Variants in SNAP91 observed in about 807,000 individuals in gnomAD.
SNAP91 encodes the protein synaptosome associated protein 91.
Under a neutral mutation model 100.3 loss-of-function variants are expected in SNAP91, and 27 were observed. The observed-to-expected ratio is 0.27, with a 90% CI of 0.20 to 0.37. SNAP91 has a LOEUF of 0.37. SNAP91 is among the 10% of genes least tolerant of loss of function. SNAP91 has a pLI of 1.00. For missense variants in SNAP91, 986 were observed against 1,123.7 expected (o/e 0.88, Z 1.75); for synonymous variants, 404 against 398.6 (o/e 1.01, Z -0.16).
At chr6:83,660,738 A>G (rs2098525455) in intron 5 of SNAP91, among the ~76,000 whole-genome samples, 1 of 151,980 alleles carries the variant, frequency 6.6e-6, no homozygotes, top group African/African-American at 2.4e-5. Context: ...ATTCACCTCA[A>G]TTAAAAAAAA....
chr6:83,647,447 A>G (rs932457091), intron 7 of SNAP91, among the ~76,000 whole-genome samples: 2 of 152,148 alleles, frequency 1.3e-5, no homozygotes, highest in Non-Finnish European at 2.9e-5. Context: ...ATCTACTGAT[A>G]TGATTTTTCT....
At chr6:83,608,850 C>T (rs2095814769) in intron 12 of SNAP91, among the ~76,000 whole-genome samples, 1 of 152,118 alleles carries the variant, frequency 6.6e-6, no homozygotes, top group African/African-American at 2.4e-5. Flanking sequence ...GACACATGAG[C>T]AGTGTGGATG....
intron 2 of SNAP91, among the ~76,000 whole-genome samples, chr6:83,700,488 T>A (rs2099277979): frequency 6.6e-6 from 1 of 151,998 alleles, no homozygotes; most frequent in Admixed American, 6.6e-5. Context: ...GTATTTTACA[T>A]GCATTATCTT....
intron 24 of SNAP91, among the ~76,000 whole-genome samples, chr6:83,578,975 T>C (rs2128107888): frequency 6.6e-6 from 1 of 152,344 alleles, no homozygotes; most frequent in East Asian, 1.9e-4. Context: ...CCCCAATTTT[T>C]TTCTCCTGAA....
At position 83,591,246 on chromosome 6, in the gene SNAP91, G is replaced by A. The variant is rs766514515; in HGVS notation, c.1979C>T (p.Ala660Val). Residue 660 changes from alanine to valine, a missense_variant, in exon 22 of 30, where the codon GCT (alanine) becomes GTT (valine). By Grantham distance (64) the Ala-to-Val change is moderately conservative. Around this residue, in one of 4 missense-constraint regions of SNAP91, gnomAD observed 575 missense variants for 579.9 expected, o/e 0.99. Coordinates refer to ENST00000369694, the MANE Select transcript of SNAP91 (RefSeq NM_001242792.2). ...GTCTGCCGATGCTGATGAACTAGAA[G>A]CAGCCTGAGATGCAGGTTGGGGTTC... ...ASEPQPASQAASSSSASADLL... is the reference protein window; with the variant it reads ...ASEPQPASQAVSSSSASADLL... The A allele has an allele frequency of 2.5e-6, 4 of 1,612,532 alleles. No homozygotes were observed. Among genetic ancestry groups the A allele is most frequent in the African/African-American group, 2.7e-5 (2 of 74,894 alleles).
chr6:83,590,981 A>G (rs1371723456), intron 22 of SNAP91, among the ~76,000 whole-genome samples: 1 of 152,156 alleles, frequency 6.6e-6, no homozygotes, highest in Non-Finnish European at 1.5e-5. Flanking sequence ...CAGATTTGTT[A>G]CATGGGTGTA....
At chr6:83,697,352 A>ACT (rs1300170514) in intron 2 of SNAP91, among the ~76,000 whole-genome samples, 13 of 151,538 alleles carry the variant, frequency 8.6e-5, no homozygotes, top group Non-Finnish European at 1.8e-4. Context: ...ACACACACAC[A>ACT]CACACACACA....
intron 8 of SNAP91, among the ~76,000 whole-genome samples, chr6:83,640,168 C>T (rs2097633371): frequency 6.6e-6 from 1 of 151,828 alleles, no homozygotes; most frequent in East Asian, 1.9e-4. Flanking sequence ...TATTTTGGTC[C>T]CAGAATTTTC....
At chr6:83,674,461 T>G (rs1401229390) in intron 2 of SNAP91, among the ~76,000 whole-genome samples, 7 of 152,078 alleles carry the variant, frequency 4.6e-5, no homozygotes, top group Admixed American at 3.3e-4. Flanking sequence ...ATAAATAATT[T>G]TATTGTTTTG....
intron 8 of SNAP91, among the ~76,000 whole-genome samples, chr6:83,640,105 T>A (rs1445393480): frequency 6.6e-6 from 1 of 152,214 alleles, no homozygotes; most frequent in East Asian, 1.9e-4. Flanking sequence ...AAGATTTTTA[T>A]TCTAACTACA....
At chr6:83,619,804 T>C (rs923427342) in intron 9 of SNAP91, among the ~76,000 whole-genome samples, 2 of 152,224 alleles carry the variant, frequency 1.3e-5, no homozygotes, top group Non-Finnish European at 2.9e-5. Context: ...AACAAATTCA[T>C]AGCTGATTGT....
At chr6:83,654,444 C>A (rs1395017116) in intron 7 of SNAP91, among the ~76,000 whole-genome samples, 1 of 152,136 alleles carries the variant, frequency 6.6e-6, no homozygotes, top group African/African-American at 2.4e-5. Flanking sequence ...GTCAGATTTA[C>A]CTACCCAGAC....
At chr6:83,602,019 C>T (rs1338731551) in intron 14 of SNAP91, among the ~76,000 whole-genome samples, 1 of 152,070 alleles carries the variant, frequency 6.6e-6, no homozygotes, top group Non-Finnish European at 1.5e-5. Context: ...AGAAATTTCA[C>T]TTTAAGCATG....
At chr6:83,641,574 C>A (rs1245458644) in intron 7 of SNAP91, among the ~76,000 whole-genome samples, 9 of 152,114 alleles carry the variant, frequency 5.9e-5, no homozygotes, top group South Asian at 2.1e-4. Flanking sequence ...TCTACAGAAT[C>A]CTTATTTTCT....
At chr6:83,559,668 A>G (rs1460496844) in intron 28 of SNAP91, among the ~76,000 whole-genome samples, 1 of 149,150 alleles carries the variant, frequency 6.7e-6, no homozygotes, top group Non-Finnish European at 1.5e-5. Context: ...TCTAAAAGGG[A>G]GTATTCTCAC....
At chr6:83,662,777 A>G (rs985334153) in intron 3 of SNAP91, among the ~76,000 whole-genome samples, 1 of 152,184 alleles carries the variant, frequency 6.6e-6, no homozygotes, top group Non-Finnish European at 1.5e-5. Flanking sequence ...TGGGAAAAAT[A>G]ATTTTATTGT....
At chr6:83,604,648 G>T (rs527263227) in intron 14 of SNAP91, among the ~76,000 whole-genome samples, 1 of 152,196 alleles carries the variant, frequency 6.6e-6, no homozygotes, top group South Asian at 2.1e-4. Flanking sequence ...GTGCACTAAA[G>T]GCTCTGATTC....
chr6:83,610,255 T>G (rs943379031), intron 12 of SNAP91, among the ~76,000 whole-genome samples: 1 of 152,062 alleles, frequency 6.6e-6, no homozygotes, highest in African/African-American at 2.4e-5. Flanking sequence ...TATATACATA[T>G]AATGGAATAT....
chr6:83,602,626 A>C (rs1318338284), intron 14 of SNAP91, among the ~76,000 whole-genome samples: 5 of 152,162 alleles, frequency 3.3e-5, no homozygotes, highest in Non-Finnish European at 7.4e-5. Flanking sequence ...AAATTGTAGA[A>C]GTTTATTTCA....
Sources: allele counts gnomAD v4.1 joint callset (sites outside exome capture counted in the v4.1 genomes callset), GRCh38; gene constraint gnomAD v4.1.1; regional missense constraint gnomAD v4.1.1; transcripts MANE v1.5; gene names NCBI Gene and HGNC (gene_info 2026-07-23, HGNC 2026-07-21).